Variants in REEP3 observed in about 807,000 individuals in gnomAD.
REEP3 encodes the protein receptor accessory protein 3.
A neutral mutation model predicts 41.3 loss-of-function variants in REEP3; 20 were observed. The observed-to-expected ratio is 0.48, with a 90% CI of 0.34 to 0.70. The LOEUF (loss-of-function observed/expected upper bound fraction) is 0.70, where lower values mean the gene tolerates loss of function less well. REEP3 is among the 30% of genes least tolerant of loss of function. The probability of loss-of-function intolerance (pLI) is 0.01; values close to 1 mark genes in which losing one functional copy is unlikely to be tolerated. For synonymous variants in REEP3, 104 were observed against 101.8 expected, an observed-to-expected ratio of 1.02 and a Z score of -0.13; for missense variants, 271 against 308.8, an observed-to-expected ratio of 0.88 and a Z score of 0.92.
chr10:63,591,121 GTTTTTGT>G (rs903120349), intron 2 of REEP3, among the ~76,000 whole-genome samples: 1 of 95,376 alleles, frequency 1.0e-5, no homozygotes, highest in Non-Finnish European at 2.0e-5. Flanking sequence ...TTGTGTTTTT[GTTTTTGT>G]TTTTTTTTTT....
intron 2 of REEP3, among the ~76,000 whole-genome samples, chr10:63,573,502 A>G (rs1955871756): frequency 1.3e-5 from 2 of 152,216 alleles, no homozygotes; most frequent in South Asian, 4.1e-4. Flanking sequence ...AACAGCACTT[A>G]CAAATCAAAA....
intron 1 of REEP3, among the ~76,000 whole-genome samples, chr10:63,533,108 AG>A (rs1248145795): frequency 1.3e-5 from 2 of 152,214 alleles, no homozygotes; most frequent in Non-Finnish European, 2.9e-5. Flanking sequence ...TCATGAGTGC[AG>A]TGTGTATACC....
At chr10:63,558,532 A>G (rs749486187) in intron 1 of REEP3, among the ~76,000 whole-genome samples, 1 of 152,148 alleles carries the variant, frequency 6.6e-6, no homozygotes, top group Non-Finnish European at 1.5e-5. Context: ...CACACCTGCA[A>G]TCCCAGCACT....
chr10:63,608,180 G>C (rs1211440199), intron 5 of REEP3, among the ~76,000 whole-genome samples: 1 of 152,214 alleles, frequency 6.6e-6, no homozygotes, highest in African/African-American at 2.4e-5. Flanking sequence ...GGAGTCTTCT[G>C]TCAACTATCT....
chr10:63,603,294 G>A (rs1226705641), intron 5 of REEP3, among the ~76,000 whole-genome samples: 6 of 107,728 alleles, frequency 5.6e-5, no homozygotes, highest in South Asian at 3.4e-4. Flanking sequence ...GCCTGGGTGA[G>A]AGTGCAAGAC....
chr10:63,613,462 G>A (rs1362516122), intron 6 of REEP3, among the ~76,000 whole-genome samples: 3 of 152,164 alleles, frequency 2.0e-5, no homozygotes. Context: ...GTTATGAAAG[G>A]TACTTGTTCA....
At chr10:63,606,300 T>TTCCTTTCTTTC (rs2133423593) in intron 5 of REEP3, among the ~76,000 whole-genome samples, 1 of 152,034 alleles carries the variant, frequency 6.6e-6, no homozygotes, top group African/African-American at 2.4e-5. Context: ...CTTTCTTTCT[T>TTCCTTTCTTTC]TCTCTCTCTC....
At chr10:63,532,755 G>C (rs1349360426) in intron 1 of REEP3, among the ~76,000 whole-genome samples, 2 of 151,748 alleles carry the variant, frequency 1.3e-5, no homozygotes, top group African/African-American at 2.4e-5. Context: ...AAAATTAGCC[G>C]GGCATGATGG....
intron 3 of REEP3, 141 bp downstream of exon 3, chr10:63,594,995 C>A: frequency 1.5e-6 from 1 of 652,888 alleles, no homozygotes; most frequent in Non-Finnish European, 2.7e-6. Flanking sequence ...CATCTGCTTT[C>A]CCATAGAACA....
chr10:63,567,305 T>G (rs1156808692), intron 2 of REEP3, among the ~76,000 whole-genome samples: 1 of 152,134 alleles, frequency 6.6e-6, no homozygotes, highest in African/African-American at 2.4e-5. Flanking sequence ...TACAACTCTT[T>G]CTAGTTCCAA....
intron 5 of REEP3, among the ~76,000 whole-genome samples, chr10:63,607,980 G>T (rs1008738356): frequency 6.6e-6 from 1 of 152,164 alleles, no homozygotes; most frequent in East Asian, 1.9e-4. Context: ...CTTGGAAATC[G>T]CATGTGAATT....
At chr10:63,564,577 C>T (rs1451558359) in intron 1 of REEP3, among the ~76,000 whole-genome samples, 4 of 151,638 alleles carry the variant, frequency 2.6e-5, no homozygotes, top group Admixed American at 2.6e-4. Context: ...GAGCCGATGT[C>T]ACACCACTGC....
chr10:63,537,205 G>A (rs182344904), intron 1 of REEP3, among the ~76,000 whole-genome samples: 12 of 152,236 alleles, frequency 7.9e-5, no homozygotes, highest in Admixed American at 4.6e-4. Context: ...TTGGATGACC[G>A]TTAGGAAAGT....
chr10:63,566,227 G>T, intron 1 of REEP3, 111 bp from the exon 2 acceptor site: 1 of 679,806 alleles, frequency 1.5e-6, no homozygotes, highest in East Asian at 2.8e-5. Flanking sequence ...TTTTCTGAGC[G>T]GATTTAATTT....
chr10:63,568,960 A>G (rs1489515637), intron 2 of REEP3, among the ~76,000 whole-genome samples: 1 of 151,980 alleles, frequency 6.6e-6, no homozygotes, highest in East Asian at 1.9e-4. Context: ...ACAGTGCCCA[A>G]CTCCCAAATT....
chr10:63,529,421 T>C (rs1955398056), intron 1 of REEP3, among the ~76,000 whole-genome samples: 1 of 152,106 alleles, frequency 6.6e-6, no homozygotes, highest in Non-Finnish European at 1.5e-5. Flanking sequence ...AACAGAATAA[T>C]ATGACTGGAA....
intron 1 of REEP3, among the ~76,000 whole-genome samples, chr10:63,533,529 G>GT (rs894958196): frequency 3.3e-5 from 5 of 151,694 alleles, no homozygotes; most frequent in East Asian, 1.9e-4. Context: ...ATCAACCGTA[G>GT]TTTTTTTCTG....
intron 1 of REEP3, among the ~76,000 whole-genome samples, chr10:63,545,183 A>C (rs1265833631): frequency 6.6e-6 from 1 of 152,180 alleles, no homozygotes; most frequent in Non-Finnish European, 1.5e-5. Flanking sequence ...TAATTTTTAA[A>C]ATTTACATAA....
intron 1 of REEP3, among the ~76,000 whole-genome samples, chr10:63,537,464 G>A (rs1204298840): frequency 1.3e-5 from 2 of 152,214 alleles, no homozygotes; most frequent in African/African-American, 2.4e-5. Context: ...TTGATATTCT[G>A]CTTCTTAAGT....
Sources: allele counts gnomAD v4.1 joint callset (sites outside exome capture counted in the v4.1 genomes callset), GRCh38; gene constraint gnomAD v4.1.1; transcripts MANE v1.5; gene names NCBI Gene and HGNC (gene_info 2026-07-23, HGNC 2026-07-21).